Variants in EYS observed in about 807,000 individuals in gnomAD.
EYS encodes protein eyes shut homolog.
In EYS, 250 loss-of-function variants were observed where a neutral mutation model predicts 282.1. That is an observed-to-expected ratio of 0.89 (90% confidence interval 0.80 to 0.98). The LOEUF is 0.98. Ranked by LOEUF, EYS falls within the 50% of genes least tolerant of loss-of-function variation. EYS has a pLI of 0.00. For missense variants in EYS, 4,016 were observed against 3,709.0 expected, an observed-to-expected ratio of 1.08 and a Z score of -2.15; for synonymous variants, 1,355 against 1,282.9, an observed-to-expected ratio of 1.06 and a Z score of -1.20.
chr6:64,090,838 C>T (rs1221160190), intron 31 of EYS, among the ~76,000 whole-genome samples: 1 of 152,282 alleles, frequency 6.6e-6, no homozygotes, highest in East Asian at 1.9e-4. Context: ...ACTTGGAATG[C>T]CATCTTCTTC....
At chr6:64,218,559 C>T (rs1225743526) in intron 31 of EYS, among the ~76,000 whole-genome samples, 1 of 152,112 alleles carries the variant, frequency 6.6e-6, no homozygotes, top group Non-Finnish European at 1.5e-5. Context: ...CTACTTGTCC[C>T]CCTCACTTAA....
chr6:64,116,727 T>C (rs1391302356), intron 31 of EYS, among the ~76,000 whole-genome samples: 4 of 152,094 alleles, frequency 2.6e-5, no homozygotes, highest in Non-Finnish European at 5.9e-5. Flanking sequence ...AGTGCAGAGA[T>C]GAATAAAAAC....
intron 12 of EYS, among the ~76,000 whole-genome samples, chr6:65,145,176 C>G (rs946731543): frequency 1.3e-5 from 2 of 151,938 alleles, no homozygotes; most frequent in African/African-American, 2.4e-5. Context: ...GAAAATTGTT[C>G]ACAGATTTTA....
intron 40 of EYS, 115 bp from the exon 41 acceptor site, chr6:63,762,748 T>G: frequency 1.0e-6 from 1 of 986,188 alleles, no homozygotes. Context: ...GAGATCAAAA[T>G]GAATTGTGAT....
intron 2 of EYS, among the ~76,000 whole-genome samples, chr6:65,524,103 C>G (rs1767470900): frequency 6.6e-6 from 1 of 152,172 alleles, no homozygotes; most frequent in African/African-American, 2.4e-5. Flanking sequence ...AACTCCCAAC[C>G]TCAGATGATC....
intron 26 of EYS, among the ~76,000 whole-genome samples, chr6:64,491,705 G>C (rs535760931): frequency 6.6e-6 from 1 of 150,912 alleles, no homozygotes; most frequent in Non-Finnish European, 1.5e-5. Flanking sequence ...TATTGCCTGA[G>C]ATAACACATA....
chr6:65,513,728 C>T (rs1766995061), intron 2 of EYS, among the ~76,000 whole-genome samples: 1 of 151,812 alleles, frequency 6.6e-6, no homozygotes, highest in Non-Finnish European at 1.5e-5. Context: ...AGGCCTTTGA[C>T]AAAATTCAAC....
At chr6:65,113,949 C>A (rs73765787) in intron 12 of EYS, among the ~76,000 whole-genome samples, 1,756 of 152,112 alleles carry the variant, frequency 0.012, 26 homozygotes, top group African/African-American at 0.04. Context: ...CTGCAAAGTA[C>A]TCTTGCTTAT....
intron 15 of EYS, among the ~76,000 whole-genome samples, chr6:64,937,149 C>T (rs76141274): frequency 0.01 from 1,546 of 151,328 alleles, 14 homozygotes; most frequent in African/African-American, 0.036. Context: ...AATTAACTAA[C>T]TCAAAATGGA....
chr6:64,801,027 A>T (rs1373275975), intron 22 of EYS, among the ~76,000 whole-genome samples: 1 of 152,048 alleles, frequency 6.6e-6, no homozygotes, highest in Admixed American at 6.5e-5. Flanking sequence ...AATAATGAGA[A>T]GTTTATCTCA....
chr6:64,336,302 T>C (rs1414995492), intron 29 of EYS, among the ~76,000 whole-genome samples: 1 of 151,968 alleles, frequency 6.6e-6, no homozygotes, highest in African/African-American at 2.4e-5. Flanking sequence ...TTCATGCAAA[T>C]AGACGCCAAA....
At chr6:64,703,427 A>ATTTTTTTTTTT (rs1488123469) in intron 22 of EYS, among the ~76,000 whole-genome samples, 25 of 28,414 alleles carry the variant, frequency 8.8e-4, no homozygotes, top group South Asian at 1.7e-3. Context: ...ATATATATAT[A>ATTTTTTTTTTT]TATTTTTTTT....
rs1326644818 is a variant in EYS at position 64,886,832 on chromosome 6, T to C, written c.2857A>G (p.Asn953Asp). The stretch of plus-strand genomic sequence containing the variant: ...GGCCCATGGTACTCAGGTTCACAAT[T>C]ACAAAAAAATCTGGAGAAAAGTGGA... Reference protein sequence around the residue: ...CVDLTNRFFCNCEPEYHGPFC... With the variant: ...CVDLTNRFFCDCEPEYHGPFC... Residue 953 changes from asparagine to aspartate, a missense_variant, in exon 19 of 43, where the codon AAT becomes GAT. Transcript: ENST00000503581. The C allele has an allele frequency of 3.0e-5, 46 of 1,520,878 alleles. No individual in the cohort carries two copies. Among genetic ancestry groups the C allele is most frequent in the Non-Finnish European group, 3.9e-5 (44 of 1,134,412 alleles). 94.2% of individuals were successfully genotyped at this position (1,520,878 alleles called of 1,614,324 possible). A position where few individuals can be genotyped will look rare whatever the true frequency, so the allele number is the denominator to read the frequency against.
chr6:65,355,070 T>A (rs750387958), intron 8 of EYS, among the ~76,000 whole-genome samples: 1 of 152,074 alleles, frequency 6.6e-6, no homozygotes, highest in African/African-American at 2.4e-5. Context: ...ATAGAAAATA[T>A]GAAGGCCTAA....
chr6:64,491,968 G>C (rs532048134), intron 26 of EYS, among the ~76,000 whole-genome samples: 22 of 151,080 alleles, frequency 1.5e-4, no homozygotes, highest in Admixed American at 1.1e-3. Context: ...TTTAATCATA[G>C]AACTTCAAGC....
intron 13 of EYS, among the ~76,000 whole-genome samples, chr6:65,050,290 GGAA>G (rs1410396727): frequency 5.9e-5 from 9 of 151,582 alleles, no homozygotes; most frequent in African/African-American, 1.4e-4. Context: ...TTAATCACCA[GGAA>G]GAAGAACACA....
rs1772988487 is a variant in EYS, at chr6:64,388,593, G to A, written c.6078+97C>T. On this transcript the variant is annotated intron_variant, in intron 29 of 42. Coordinates refer to ENST00000503581, the MANE Select transcript of EYS (RefSeq NM_001142800.2). ...ACCATGCAGATGGCCCCACTAGCCA[G>A]AAAATATTTCTAAAGTTTTTCTTTT... 4 of 1,223,924 alleles carry A rather than the reference G, an allele frequency of 3.3e-6. No individual in the cohort carries two copies. The African/African-American group carries it at 4.7e-5, about 14-fold the overall frequency. 75.8% of individuals were successfully genotyped at this position (1,223,924 alleles called of 1,614,324 possible). A position where few individuals can be genotyped will look rare whatever the true frequency, so the allele number is the denominator to read the frequency against.
chr6:64,694,596 G>C (rs1357803892), intron 22 of EYS, among the ~76,000 whole-genome samples: 1 of 152,146 alleles, frequency 6.6e-6, no homozygotes, highest in South Asian at 2.1e-4. Context: ...ATAGGTGACT[G>C]CACAGGAAGC....
chr6:65,495,040 A>G lies in EYS; in HGVS notation c.371T>C (p.Leu124Ser), dbSNP rs1466031860. ...CVQNTTTEDQ[L>S]LFGCRLKGMH... ...TCCTTTTAGTCTGCAGCCAAAAAGT[A>G]ACTGATCTTCCGTTGTGGTATTTTG... Residue 124 changes from leucine to serine, a missense_variant, in exon 4 of 43, where the codon TTA becomes TCA. Leu to Ser is a moderately radical substitution (Grantham distance 145, BLOSUM62 -2). Coordinates refer to ENST00000503581, the MANE Select transcript of EYS (RefSeq NM_001142800.2). 3 of 1,614,238 alleles carry G rather than the reference A, an allele frequency of 1.9e-6. No homozygotes were observed. The highest frequency in any genetic ancestry group is 8.5e-7 in the Non-Finnish European group (1 of 1,180,048).
Sources: gnomAD v4.1 joint callset for allele counts (sites outside exome capture counted in the v4.1 genomes callset) on GRCh38, gnomAD v4.1.1 for gene constraint, MANE v1.5 for transcripts, NCBI Gene and HGNC (gene_info 2026-07-23, HGNC 2026-07-21) for gene names.